QSOX2: variants seen among roughly 807,000 people sequenced by gnomAD.
QSOX2 encodes the protein quiescin sulfhydryl oxidase 2.
QSOX2 carries 46 observed loss-of-function variants against 61.7 expected under a neutral mutation model. That is an observed-to-expected ratio of 0.75 (90% CI 0.59 to 0.95). The LOEUF is 0.95. Ranked by LOEUF, QSOX2 falls within the 40% of genes least tolerant of loss-of-function variation. The pLI is 0.00. For synonymous variants in QSOX2, 383 were observed against 388.4 expected, an observed-to-expected ratio of 0.99 and a Z score of 0.16; for missense variants, 879 against 918.9, an observed-to-expected ratio of 0.96 and a Z score of 0.56.
chr9:136,207,651 G>C lies in QSOX2; in HGVS notation c.*1077C>G, dbSNP rs968129095. On this transcript the variant is annotated 3_prime_UTR_variant, in exon 12 of 12. Transcript: ENST00000358701. ...CTGTGTGGAGACCCTTCCCAAAACA[G>C]CTTCAGGCAAAGGAAGCCTGGCCCC... is the stretch of plus-strand genomic sequence containing the variant. 1 of 152,374 alleles carries C rather than the reference G, an allele frequency of 6.6e-6. No homozygotes were observed. The highest frequency in any genetic ancestry group is 2.4e-5 in the African/African-American group (1 of 41,446). The allele number at this position is 152,374 out of a possible 1,614,324, so 9.4% of individuals were successfully genotyped here.
chr9:136,208,529 C>T lies in QSOX2; in HGVS notation c.*199G>A. ...GAGTACGCCAGGAATGCAAATATCC[C>T]CACAAAATTACCCCGTGTTCTTCCC... On this transcript the variant is annotated 3_prime_UTR_variant, in exon 12 of 12. Transcript: ENST00000358701. 1 of 598,038 alleles carries T rather than the reference C, an allele frequency of 1.7e-6. No homozygotes were observed. 37.0% of individuals were successfully genotyped at this position (598,038 alleles called of 1,614,324 possible).
intron 1 of QSOX2, among the ~76,000 whole-genome samples, chr9:136,227,956 A>G (rs1457521471): frequency 6.6e-6 from 1 of 150,808 alleles, no homozygotes; most frequent in African/African-American, 2.4e-5. Flanking sequence ...CACCTTAAGA[A>G]AAAAAAAAAG....
In QSOX2 at chr9:136,208,680, G is replaced by T. The variant is rs756316563; in HGVS notation, c.*48C>A. 1 of 1,559,532 alleles carries T rather than the reference G, an allele frequency of 6.4e-7. No individual in the cohort carries two copies. Among genetic ancestry groups the T allele is most frequent in the East Asian group, 2.3e-5 (1 of 44,266 alleles). The stretch of plus-strand genomic sequence containing the variant: ...TTAAAGCTGCAGGTGGCACGGGGCA[G>T]GGCTGCCTCCAAGGGAGCTTCCGCC... On this transcript the variant is annotated 3_prime_UTR_variant, in exon 12 of 12. Coordinates refer to ENST00000358701, the MANE Select transcript of QSOX2 (RefSeq NM_181701.4).
At chr9:136,244,471 G>A (rs1830454938) in intron 1 of QSOX2, among the ~76,000 whole-genome samples, 1 of 152,222 alleles carries the variant, frequency 6.6e-6, no homozygotes, top group Non-Finnish European at 1.5e-5. Flanking sequence ...AATACAGCAG[G>A]ATTGGGTGTA....
intron 8 of QSOX2, among the ~76,000 whole-genome samples, chr9:136,217,663 G>C (rs1045847277): frequency 9.8e-5 from 15 of 152,394 alleles, no homozygotes; most frequent in African/African-American, 3.6e-4. Context: ...ACTAGACTAA[G>C]GGGAAGACGG....
At chr9:136,228,657 G>A (rs1287106950) in intron 1 of QSOX2, among the ~76,000 whole-genome samples, 1 of 152,226 alleles carries the variant, frequency 6.6e-6, no homozygotes, top group Non-Finnish European at 1.5e-5. Flanking sequence ...AGAGGCAGGT[G>A]CAGAGGCGAG....
intron 9 of QSOX2, among the ~76,000 whole-genome samples, chr9:136,216,217 T>A (rs1161106452): frequency 6.6e-6 from 1 of 152,196 alleles, no homozygotes; most frequent in African/African-American, 2.4e-5. Context: ...GAGCAAAGAC[T>A]GGCACCTGCT....
chr9:136,233,687 G>C (rs923840758), intron 1 of QSOX2, among the ~76,000 whole-genome samples: 1 of 152,216 alleles, frequency 6.6e-6, no homozygotes, highest in Non-Finnish European at 1.5e-5. Context: ...AGGGAGGGGA[G>C]AAGGGTTCCA....
intron 10 of QSOX2, among the ~76,000 whole-genome samples, 192 bp downstream of exon 10, chr9:136,214,962 G>A (rs1831890737): frequency 6.6e-6 from 1 of 152,226 alleles, no homozygotes; most frequent in Non-Finnish European, 1.5e-5. Context: ...CTGACAAGGG[G>A]AACTCGTGCC....
chr9:136,233,465 G>A (rs1043626441), intron 1 of QSOX2, among the ~76,000 whole-genome samples: 2 of 152,180 alleles, frequency 1.3e-5, no homozygotes, highest in African/African-American at 2.4e-5. Context: ...CGGCCAACAC[G>A]GTGGCAGAGA....
At chr9:136,216,917 C>T (rs545538987) in intron 8 of QSOX2, among the ~76,000 whole-genome samples, 195 bp from the exon 9 acceptor site, 160 of 152,342 alleles carry the variant, frequency 1.1e-3, no homozygotes, top group African/African-American at 3.7e-3. Flanking sequence ...ATCTAGCCTG[C>T]GCCTCTCCCC....
intron 10 of QSOX2, 75 bp downstream of exon 10, chr9:136,215,079 G>A: frequency 6.5e-7 from 1 of 1,532,494 alleles, no homozygotes; most frequent in Non-Finnish European, 8.8e-7. Context: ...AGCAGTACAT[G>A]CCTTTGCACA....
chr9:136,209,067 C>T lies in QSOX2; in HGVS notation c.1758G>A (p.Arg586=). ...TGAGTCTTTTCTCCTCTTCCTCACC[C>T]CTGGCCAGGGTTCCTCCTTCACTGG... is the stretch of plus-strand genomic sequence containing the variant. ...GDSSEGGTLA[R]GEEEEKRLTP... The change falls in exon 12 of 12, where the codon AGG becomes AGA. Residue 586 remains arginine (R), a synonymous_variant. Coordinates refer to ENST00000358701, the MANE Select transcript of QSOX2 (RefSeq NM_181701.4). This position sits in a 1 kb window ranked among gnomAD's most constrained non-coding sequence, Gnocchi z 5.6. 1.2e-6 allele frequency: 2 copies of T among 1,614,188 alleles called. No homozygotes were observed.
At chr9:136,226,703 C>A in intron 2 of QSOX2, 71 bp downstream of exon 2, 3 of 1,250,158 alleles carry the variant, frequency 2.4e-6, no homozygotes, top group Non-Finnish European at 3.5e-6. Flanking sequence ...AGACAAGCAG[C>A]CGCGTGATGC....
At chr9:136,231,646 C>A (rs562828497) in intron 1 of QSOX2, among the ~76,000 whole-genome samples, 1 of 152,366 alleles carries the variant, frequency 6.6e-6, no homozygotes, top group African/African-American at 2.4e-5. Flanking sequence ...AGGGCAGTGC[C>A]CCTCACAGCC....
Position 136,216,618 on chromosome 9 carries a change from C to A in QSOX2, c.1191G>T (p.Leu397=). The A allele has an allele frequency of 6.2e-7, 1 of 1,613,878 alleles. No individual in the cohort carries two copies. Among genetic ancestry groups the A allele is most frequent in the South Asian group, 1.1e-5 (1 of 91,074 alleles). The stretch of plus-strand genomic sequence containing the variant: ...GGCTCACCCGCATCTTGTTGTTGAC[C>A]AGGTCAAGCACGGCGTTGTAGGGGA... The part of the protein sequence containing the change: ...DRIPYNAVLD[L]VNNKMRISGI... Residue 397 remains leucine (L), a synonymous_variant, in exon 9 of 12, where the codon CTG becomes CTT. Transcript: ENST00000358701.
chr9:136,241,470 G>C (rs969188814), intron 1 of QSOX2, among the ~76,000 whole-genome samples: 1 of 152,142 alleles, frequency 6.6e-6, no homozygotes, highest in African/African-American at 2.4e-5. Flanking sequence ...AGACCAAGTG[G>C]GACAGAGGAG....
intron 2 of QSOX2, 69 bp downstream of exon 2, chr9:136,226,705 G>C: frequency 7.9e-7 from 1 of 1,267,670 alleles, no homozygotes; most frequent in Non-Finnish European, 1.2e-6. Context: ...ACAAGCAGCC[G>C]CGTGATGCTC....
chr9:136,239,298 T>A (rs969059243), intron 1 of QSOX2, among the ~76,000 whole-genome samples: 3 of 152,168 alleles, frequency 2.0e-5, no homozygotes, highest in Admixed American at 6.5e-5. Context: ...TCTTCCCATC[T>A]CAGCCTCCTA....
Sources: gnomAD v4.1 joint callset for allele counts (sites outside exome capture counted in the v4.1 genomes callset) on GRCh38, gnomAD v4.1.1 for gene constraint, Gnocchi (gnomAD v3.1) non-coding constraint, MANE v1.5 for transcripts, NCBI Gene and HGNC (gene_info 2026-07-23, HGNC 2026-07-21) for gene names.